IPO5: variants seen among roughly 807,000 people sequenced by gnomAD.
The protein encoded by IPO5 is importin-5.
Under a neutral mutation model 143.3 loss-of-function variants are expected in IPO5, and 18 were observed. The observed-to-expected ratio is 0.13, with a 90% CI of 0.09 to 0.19. The LOEUF (loss-of-function observed/expected upper bound fraction) is 0.19, where lower values mean the gene tolerates loss of function less well. Among genes scored for constraint, IPO5 ranks in the 10% least tolerant of loss-of-function variants. The pLI, the probability that IPO5 is intolerant of heterozygous loss-of-function variation, is 1.00. For missense variants in IPO5, 1,013 were observed against 1,336.9 expected (o/e 0.76, Z 3.78); for synonymous variants, 477 against 465.7 (o/e 1.02, Z -0.31).
At position 98,002,463 on chromosome 13, in the gene IPO5, G is replaced by T; in HGVS notation, c.1109-4G>T. 1 of 1,611,902 alleles carries T rather than the reference G, an allele frequency of 6.2e-7. No individual in the cohort carries two copies. The highest frequency in any genetic ancestry group is 1.3e-5 in the African/African-American group (1 of 74,804). On this transcript the variant is annotated splice_region_variant and splice_polypyrimidine_tract_variant and intron_variant, in intron 13 of 28. Coordinates refer to ENST00000651721, the MANE Select transcript of IPO5 (RefSeq NM_002271.6). ...GCTATTCCATCTGTAATTTTTTTCG[G>T]TAGCTGACTGGAAATACCGGCATGC...
chr13:97,989,223 T>A, intron 7 of IPO5, 59 bp downstream of exon 7: 1 of 848,932 alleles, frequency 1.2e-6, no homozygotes, highest in South Asian at 1.5e-5. Flanking sequence ...CTAAACACCT[T>A]TTAACTGATT....
intron 13 of IPO5, 181 bp downstream of exon 13, chr13:98,000,826 C>G (rs748597004): frequency 7.0e-6 from 4 of 569,106 alleles, no homozygotes; most frequent in Non-Finnish European, 1.3e-5. Flanking sequence ...GATTTACTTC[C>G]TAGCCAAAAG....
chr13:97,997,524 A>T lies in IPO5; in HGVS notation c.914-7A>T, dbSNP rs1488524360. The stretch of plus-strand genomic sequence containing the variant: ...GTCTTCGGGTATGAAATAATTGTTT[A>T]CTTTAGTTCCTCAGATGTTAGCAAT... On this transcript the variant is annotated splice_polypyrimidine_tract_variant and splice_region_variant and intron_variant, in intron 11 of 28. Transcript: ENST00000651721. The T allele has an allele frequency of 6.4e-7, 1 of 1,551,264 alleles. No individual in the cohort carries two copies. Among genetic ancestry groups the T allele is most frequent in the Non-Finnish European group, 8.9e-7 (1 of 1,125,934 alleles).
intron 12 of IPO5, among the ~76,000 whole-genome samples, chr13:98,000,284 C>CAA (rs111826649): frequency 3.4e-5 from 4 of 118,642 alleles, no homozygotes; most frequent in African/African-American, 6.3e-5. Context: ...GACTCTGTCT[C>CAA]AAAAAAAAAA....
Position 98,006,127 on chromosome 13 carries a change from T to C in IPO5, c.1498-3T>C. The C allele has an allele frequency of 6.2e-7, 1 of 1,601,240 alleles. No individual in the cohort carries two copies. The highest frequency in any genetic ancestry group is 1.1e-5 in the South Asian group (1 of 90,782). The stretch of plus-strand genomic sequence containing the variant: ...GAGGTAATAATTTGTGTCTTCCTTC[T>C]AGCTGATTCAGAAAGGCACCAAGTT... On this transcript the variant is annotated splice_region_variant and splice_polypyrimidine_tract_variant and intron_variant, in intron 16 of 28. Coordinates refer to ENST00000651721, the MANE Select transcript of IPO5 (RefSeq NM_002271.6).
rs1387165813 is a variant in IPO5 at position 98,023,807 on chromosome 13, T to C, written c.*1985T>C. On this transcript the variant is annotated 3_prime_UTR_variant, in exon 29 of 29. Coordinates refer to ENST00000651721, the MANE Select transcript of IPO5 (RefSeq NM_002271.6). ...GGTAATTGGAGTTGAATCAAGTTAA[T>C]AGGGAAGGTTGGTAGTAAATGCTGT... 2 of 152,136 alleles carry C rather than the reference T, an allele frequency of 1.3e-5. No individual in the cohort carries two copies. Among genetic ancestry groups the C allele is most frequent in the Admixed American group, 6.6e-5 (1 of 15,256 alleles). 9.4% of individuals were successfully genotyped at this position (152,136 alleles called of 1,614,324 possible).
At chr13:97,975,009 G>C (rs1886147965) in intron 3 of IPO5, among the ~76,000 whole-genome samples, 1 of 152,152 alleles carries the variant, frequency 6.6e-6, no homozygotes, top group African/African-American at 2.4e-5. Context: ...TCACCAAAGA[G>C]CAAATGTTTT....
intron 12 of IPO5, among the ~76,000 whole-genome samples, chr13:97,999,320 G>A (rs2139750417): frequency 6.6e-6 from 1 of 152,262 alleles, no homozygotes; most frequent in East Asian, 1.9e-4. Context: ...TGAAGTATAT[G>A]AAAGTAATCT....
intron 2 of IPO5, among the ~76,000 whole-genome samples, chr13:97,967,911 A>T (rs879293653): frequency 4.6e-5 from 7 of 152,188 alleles, no homozygotes; most frequent in Non-Finnish European, 8.8e-5. Flanking sequence ...GATTACAGGC[A>T]TGAGCCACCG....
chr13:97,985,358 A>G (rs1711963644), intron 5 of IPO5, 63 bp from the exon 6 acceptor site: 1 of 1,314,266 alleles, frequency 7.6e-7, no homozygotes, highest in Non-Finnish European at 1.1e-6. Context: ...ATATAAAAAT[A>G]CAACAGTGAA....
chr13:97,993,144 C>A lies in IPO5; in HGVS notation c.832C>A (p.Leu278Ile), dbSNP rs749163854. The change falls in exon 11 of 29, where the codon CTT becomes ATT. Residue 278 changes from leucine to isoleucine, a missense_variant. Transcript: ENST00000651721. ...DTSLNNMQRQ[L>I]ALEVIVTLSE... ...TAGCCTCAACAATATGCAACGCCAG[C>A]TTGCCCTTGAAGTGATCGTCACCCT... 2.5e-6 allele frequency: 4 copies of A among 1,613,818 alleles called. No homozygotes were observed.
In IPO5 at chr13:98,015,804, T is replaced by A. The variant is rs1594130150; in HGVS notation, c.2493+23T>A. The A allele has an allele frequency of 2.6e-6, 4 of 1,524,112 alleles. No individual in the cohort carries two copies. In the East Asian group the frequency reaches 6.8e-5, roughly 26 times the overall value. 94.4% of individuals were successfully genotyped at this position (1,524,112 alleles called of 1,614,324 possible). On this transcript the variant is annotated intron_variant, in intron 24 of 28. Transcript: ENST00000651721. The stretch of plus-strand genomic sequence containing the variant: ...GAGGTAAGTTATTCCCTTTGGAACT[T>A]ACTTACGTGACCACTTGCATCTGAA...
intron 25 of IPO5, 26 bp downstream of exon 25, chr13:98,016,877 G>C (rs1390840911): frequency 1.4e-6 from 2 of 1,460,674 alleles, no homozygotes; most frequent in Non-Finnish European, 1.8e-6. Context: ...CTTAATAGTT[G>C]TTTTGCGTAG....
chr13:98,011,921 A>G (rs1464922804), intron 20 of IPO5, among the ~76,000 whole-genome samples: 1 of 152,178 alleles, frequency 6.6e-6, no homozygotes, highest in Non-Finnish European at 1.5e-5. Context: ...TTTTTCCTCA[A>G]TTAAGTGATA....
At chr13:97,976,066 G>GAGGGACCAAAGGGGTGGGGCCTGCTCC (rs1886266338) in intron 3 of IPO5, 1 of 680,270 alleles carries the variant, frequency 1.5e-6, no homozygotes, top group South Asian at 6.5e-5. Flanking sequence ...CCCAGGGAGC[G>GAGGGACCAAAGGGGTGGGGCCTGCTCC]AGGGACCAAA....
rs1395733262 is a variant in IPO5 at position 98,022,622 on chromosome 13, A to G, written c.*800A>G. The G allele has an allele frequency of 1.3e-5, 2 of 152,234 alleles. No individual in the cohort carries two copies. The highest frequency in any genetic ancestry group is 2.9e-5 in the Non-Finnish European group (2 of 68,054). The allele number at this position is 152,234 out of a possible 1,614,324, so 9.4% of individuals were successfully genotyped here. A position where few individuals can be genotyped will look rare whatever the true frequency, so the allele number is the denominator to read the frequency against. On this transcript the variant is annotated 3_prime_UTR_variant, in exon 29 of 29. Transcript: ENST00000651721. The stretch of plus-strand genomic sequence containing the variant: ...TTTTCCCCTAATATTTTCCTTGTGC[A>G]ATTCAGACTTAAGCATCGAGTTTTT...
intron 17 of IPO5, among the ~76,000 whole-genome samples, chr13:98,007,833 A>C (rs1434251492): frequency 6.6e-6 from 1 of 152,234 alleles, no homozygotes; most frequent in Non-Finnish European, 1.5e-5. Flanking sequence ...ATGCCATTAG[A>C]AGTACCTTTA....
In IPO5 at chr13:98,002,772, A is replaced by G; in HGVS notation, c.1322A>G (p.Lys441Arg). 6.2e-7 allele frequency: 1 copy of G among 1,609,666 alleles called. No individual in the cohort carries two copies. Among genetic ancestry groups the G allele is most frequent in the Non-Finnish European group, 8.5e-7 (1 of 1,178,226 alleles). Residue 441 changes from lysine to arginine, a missense_variant and splice_region_variant, in exon 15 of 29, where the codon AAG becomes AGG. Lys to Arg is a conservative substitution (Grantham distance 26). Coordinates refer to ENST00000651721, the MANE Select transcript of IPO5 (RefSeq NM_002271.6). ...APGFQKKFHE[K>R]VIAALLQTME... ...GGTTTCCAAAAGAAATTTCATGAGA[A>G]GGTAAGTAACAAGTCCTCAAACACT...
chr13:97,977,546 G>A (rs994265494), intron 4 of IPO5, among the ~76,000 whole-genome samples: 5 of 152,132 alleles, frequency 3.3e-5, no homozygotes, highest in Non-Finnish European at 5.9e-5. Context: ...GTTTAACTGG[G>A]CCAGTACCAT....
Sources: allele counts gnomAD v4.1 joint callset (sites outside exome capture counted in the v4.1 genomes callset), GRCh38; gene constraint gnomAD v4.1.1; transcripts MANE v1.5; gene names NCBI Gene and HGNC (gene_info 2026-07-23, HGNC 2026-07-21).